The following WARS2 variants were observed in gnomAD, a reference collection of about 807,000 sequenced individuals.
The protein encoded by WARS2 is tryptophan--tRNA ligase, mitochondrial.
In WARS2, 28 loss-of-function variants were observed where a neutral mutation model predicts 36.5. That is an observed-to-expected ratio of 0.77 (90% CI 0.57 to 1.05). The LOEUF is 1.05. Among genes scored for constraint, WARS2 ranks in the 50% least tolerant of loss-of-function variants. WARS2 has a pLI of 0.00. For missense variants in WARS2, 435 were observed against 456.8 expected, an observed-to-expected ratio of 0.95 and a Z score of 0.44; for synonymous variants, 174 against 178.4, an observed-to-expected ratio of 0.98 and a Z score of 0.20.
chr1:119,049,011 T>A (rs1348462918), intron 2 of WARS2, among the ~76,000 whole-genome samples: 2 of 152,024 alleles, frequency 1.3e-5, no homozygotes, highest in Non-Finnish European at 2.9e-5. Flanking sequence ...TGCAGTGAGC[T>A]GAGATCGCGG....
chr1:119,104,419 C>A (rs12035551), intron 1 of WARS2, among the ~76,000 whole-genome samples: 1 of 151,066 alleles, frequency 6.6e-6, no homozygotes, highest in African/African-American at 2.4e-5. Flanking sequence ...CAACACATTT[C>A]TGATGAAAAA....
intron 1 of WARS2, among the ~76,000 whole-genome samples, chr1:119,084,663 T>G (rs1402507467): frequency 6.6e-6 from 1 of 152,216 alleles, no homozygotes; most frequent in East Asian, 1.9e-4. Flanking sequence ...GATGCTGAGC[T>G]CTAAACATCA....
At chr1:119,085,005 C>T (rs995222116) in intron 1 of WARS2, 14 of 614,134 alleles carry the variant, frequency 2.3e-5, no homozygotes, top group African/African-American at 9.2e-5. Context: ...TCTTCAGTGA[C>T]GCCTACAGTC....
chr1:119,130,614 T>G (rs946200641), intron 1 of WARS2, among the ~76,000 whole-genome samples: 2 of 152,148 alleles, frequency 1.3e-5, no homozygotes, highest in Non-Finnish European at 2.9e-5. Context: ...CTTTTGTAAT[T>G]AAATAAATAA....
intron 1 of WARS2, chr1:119,085,689 C>G: frequency 1.4e-6 from 2 of 1,442,320 alleles, no homozygotes; most frequent in Non-Finnish European, 2.0e-6. Flanking sequence ...CAGAATTGTG[C>G]TCCTCTGGTC....
At chr1:119,053,155 G>A (rs546277507) in intron 2 of WARS2, among the ~76,000 whole-genome samples, 5 of 152,236 alleles carry the variant, frequency 3.3e-5, no homozygotes, top group African/African-American at 9.6e-5. Flanking sequence ...GACTCTTTCT[G>A]TTCCACCCAT....
chr1:119,086,115 C>T (rs922250214), intron 1 of WARS2, among the ~76,000 whole-genome samples: 2 of 152,200 alleles, frequency 1.3e-5, no homozygotes, highest in Admixed American at 6.5e-5. Flanking sequence ...TTGCCTTGGC[C>T]TCCCAAAGTT....
At chr1:119,127,179 A>G (rs1168010481) in intron 1 of WARS2, 5 of 726,000 alleles carry the variant, frequency 6.9e-6, no homozygotes, top group Non-Finnish European at 1.3e-5. Context: ...TATATTGAAC[A>G]TAGCAAGTGC....
chr1:119,113,343 A>G (rs1477646168), intron 1 of WARS2, among the ~76,000 whole-genome samples: 1 of 152,108 alleles, frequency 6.6e-6, no homozygotes, highest in East Asian at 1.9e-4. Flanking sequence ...AAGCAGGTGA[A>G]ACCTATTGTC....
Position 119,042,364 on chromosome 1 carries a change from AAG to A in WARS2, c.430-17_430-16del, listed in dbSNP as rs1270375603. On this transcript the variant is annotated splice_polypyrimidine_tract_variant and intron_variant, in intron 3 of 5. Coordinates refer to ENST00000235521, the MANE Select transcript of WARS2 (RefSeq NM_015836.4). ...GTAGTCTTTGCCTGTGAGAGGTGAA[AAG>A]AGAGGAGGGGAAGAAATCTGAAATC... 3 of 1,612,464 alleles carry A rather than the reference AAG, an allele frequency of 1.9e-6. No individual in the cohort carries two copies. Among genetic ancestry groups the A allele is most frequent in the South Asian group, 2.2e-5 (2 of 91,016 alleles).
chr1:119,129,123 G>C (rs1285506378), intron 1 of WARS2, among the ~76,000 whole-genome samples: 1 of 152,152 alleles, frequency 6.6e-6, no homozygotes, highest in Non-Finnish European at 1.5e-5. Context: ...GCAAGAGAAT[G>C]TTTGTGTCCT....
intron 2 of WARS2, among the ~76,000 whole-genome samples, chr1:119,060,786 T>C (rs914895848): frequency 3.9e-5 from 6 of 152,206 alleles, no homozygotes; most frequent in African/African-American, 7.2e-5. Context: ...CTAAATATGA[T>C]AGAAACCTGC....
At position 119,127,397 on chromosome 1, in the gene WARS2, A is replaced by G. The variant is rs763168490; in HGVS notation, c.90+13158T>C. On this transcript the variant is annotated intron_variant, in intron 1 of 5. Transcript: ENST00000235521. ...AAATCAAGCGACTGCACAAGGTCAC[A>G]CTGCCAGTAAGCAGTAGAGCTTACT... 3.3e-5 allele frequency: 14 copies of G among 420,448 alleles called. 3 individuals are homozygous for G. Among genetic ancestry groups the G allele is most frequent in the African/African-American group, 2.4e-4 (12 of 49,100 alleles). 26.0% of individuals were successfully genotyped at this position (420,448 alleles called of 1,614,324 possible). A position where few individuals can be genotyped will look rare whatever the true frequency, so the allele number is the denominator to read the frequency against.
chr1:119,103,489 C>T (rs1654017497), intron 1 of WARS2, among the ~76,000 whole-genome samples: 2 of 152,224 alleles, frequency 1.3e-5, no homozygotes, highest in South Asian at 4.1e-4. Context: ...TTTTAATTAT[C>T]ATATGCCACT....
At chr1:119,044,576 T>C (rs1032907244) in intron 3 of WARS2, among the ~76,000 whole-genome samples, 3 of 152,202 alleles carry the variant, frequency 2.0e-5, no homozygotes, top group Non-Finnish European at 4.4e-5. Flanking sequence ...AGGTGGCTTA[T>C]AAACAACAGA....
chr1:119,094,960 T>G (rs1653313386), intron 1 of WARS2, among the ~76,000 whole-genome samples: 1 of 152,214 alleles, frequency 6.6e-6, no homozygotes, highest in South Asian at 2.1e-4. Flanking sequence ...TCTTTATGTT[T>G]AAAAGATTAT....
At chr1:119,046,285 G>GTTTTT (rs71070781) in intron 2 of WARS2, among the ~76,000 whole-genome samples, 1 of 101,496 alleles carries the variant, frequency 9.9e-6, no homozygotes, top group Non-Finnish European at 1.9e-5. Flanking sequence ...CTCCTTTTCT[G>GTTTTT]TTTTTTTTTT....
chr1:119,053,154 T>G (rs1255854031), intron 2 of WARS2, among the ~76,000 whole-genome samples: 1 of 152,234 alleles, frequency 6.6e-6, no homozygotes, highest in Non-Finnish European at 1.5e-5. Flanking sequence ...GGACTCTTTC[T>G]GTTCCACCCA....
At chr1:119,103,918 AATAT>A (rs1009354144) in intron 1 of WARS2, among the ~76,000 whole-genome samples, 10 of 150,806 alleles carry the variant, frequency 6.6e-5, no homozygotes, top group African/African-American at 2.4e-4. Context: ...AAAAAGGAAA[AATAT>A]ATATTTTTTT....
Sources: gnomAD v4.1 joint callset for allele counts (sites outside exome capture counted in the v4.1 genomes callset) on GRCh38, gnomAD v4.1.1 for gene constraint, MANE v1.5 for transcripts, NCBI Gene and HGNC (gene_info 2026-07-23, HGNC 2026-07-21) for gene names.